Variants in MYO10 observed in about 807,000 individuals in gnomAD.
MYO10 encodes unconventional myosin-X.
A neutral mutation model predicts 257.3 loss-of-function variants in MYO10; 133 were observed. That is an observed-to-expected ratio of 0.52 (90% CI 0.45 to 0.60). MYO10 has a LOEUF of 0.60. Among genes scored for constraint, MYO10 ranks in the 20% least tolerant of loss-of-function variants. The pLI is 0.00. For missense variants in MYO10, 2,399 were observed against 2,635.7 expected (o/e 0.91, Z 1.97); for synonymous variants, 1,104 against 1,028.6 (o/e 1.07, Z -1.40).
Position 16,761,490 on chromosome 5 carries a change from G to A in MYO10, c.1713C>T (p.Asp571=). ...LEKNRDTFRD[D]LLNLLRESRF... ...GGCTTTCTCTTAGCAAATTGAGAAG[G>A]TCATCTCGAAATGTATCTCTGTTCT... Residue 571 remains aspartate, a synonymous_variant, in exon 17 of 41, where the codon GAC becomes GAT. Transcript: ENST00000513610. 6.2e-7 allele frequency: 1 copy of A among 1,613,066 alleles called. No individual in the cohort carries two copies. The highest frequency in any genetic ancestry group is 8.5e-7 in the Non-Finnish European group (1 of 1,179,516).
At chr5:16,837,691 C>T (rs1240335135) in intron 2 of MYO10, among the ~76,000 whole-genome samples, 14 of 152,034 alleles carry the variant, frequency 9.2e-5, no homozygotes, top group Non-Finnish European at 1.2e-4. Context: ...AGCACAGAAC[C>T]CAGGGAATGC....
At chr5:16,667,399 T>G (rs1050097188) in intron 40 of MYO10, among the ~76,000 whole-genome samples, 2 of 152,156 alleles carry the variant, frequency 1.3e-5, no homozygotes, top group African/African-American at 4.8e-5. Context: ...TGTGCAGGCA[T>G]CATAACCGGC....
At chr5:16,885,967 A>G (rs2126769344) in intron 1 of MYO10, among the ~76,000 whole-genome samples, 1 of 152,286 alleles carries the variant, frequency 6.6e-6, no homozygotes, top group East Asian at 1.9e-4. Context: ...TCCTTGCCAT[A>G]GAGTACTCAA....
At chr5:16,870,172 G>C (rs549169324) in intron 2 of MYO10, among the ~76,000 whole-genome samples, 1 of 151,432 alleles carries the variant, frequency 6.6e-6, no homozygotes, top group African/African-American at 2.4e-5. Flanking sequence ...GCCGCTGGAG[G>C]GGAGGGCTCA....
At chr5:16,778,648 G>A (rs1385104503) in intron 9 of MYO10, among the ~76,000 whole-genome samples, 1 of 151,412 alleles carries the variant, frequency 6.6e-6, no homozygotes, top group African/African-American at 2.4e-5. Context: ...AACATGTGAG[G>A]TGGGGGCCTG....
In MYO10 at chr5:16,902,497, C is replaced by A. The variant is rs1011916963; in HGVS notation, c.22-24790G>T. The A allele has an allele frequency of 5.8e-6, 9 of 1,553,082 alleles. No homozygotes were observed. The African/African-American group carries it at 1.1e-4, about 19-fold the overall frequency. The stretch of plus-strand genomic sequence containing the variant: ...CTCGCTTCAGACATGTCCCTGACTG[C>A]TGCGGCCTCCACTATGTTTCGAATG... On this transcript the variant is annotated intron_variant, in intron 1 of 40. Coordinates refer to ENST00000513610, the MANE Select transcript of MYO10 (RefSeq NM_012334.3).
chr5:16,928,637 A>T lies in MYO10; in HGVS notation c.21+7151T>A, dbSNP rs113008642. On this transcript the variant is annotated intron_variant, in intron 1 of 40. Coordinates refer to ENST00000513610, the MANE Select transcript of MYO10 (RefSeq NM_012334.3). Reference sequence around the variant, plus strand: ...GTGACGGGTGGATCACAAGGTCTGGAAATCGAGACCATTCTGGCCAACAAG... The same window carrying T: ...GTGACGGGTGGATCACAAGGTCTGGTAATCGAGACCATTCTGGCCAACAAG... 7.1e-3 allele frequency among the ~76,000 whole-genome samples: 1,086 copies of T among 152,090 alleles called. 21 individuals carry two copies. The highest frequency in any genetic ancestry group is 0.025 in the African/African-American group (1,044 of 41,550).
chr5:16,826,349 A>G (rs1177515579), intron 2 of MYO10, among the ~76,000 whole-genome samples: 1 of 152,188 alleles, frequency 6.6e-6, no homozygotes, highest in Non-Finnish European at 1.5e-5. Context: ...ATGATCAGAG[A>G]CAACTCATAG....
chr5:16,702,573 C>T lies in MYO10; in HGVS notation c.2526G>A (p.Glu842=), dbSNP rs1340012870. The part of the protein sequence containing the change: ...REEEERERER[E]RREAELRAQQ... ...GGGCGCGGAGCTCGGCTTCTCTTCG[C>T]TCTCTCTCTCTTTCTCTAAAAATAG... The change falls in exon 24 of 41, where the codon GAG becomes GAA. Residue 842 remains glutamate (E), a synonymous_variant. Transcript: ENST00000513610. The T allele has an allele frequency of 1.3e-6, 2 of 1,578,684 alleles. No homozygotes were observed. The highest frequency in any genetic ancestry group is 2.3e-5 in the South Asian group (2 of 85,886).
At chr5:16,734,965 C>T (rs144725997) in intron 19 of MYO10, among the ~76,000 whole-genome samples, 1 of 152,216 alleles carries the variant, frequency 6.6e-6, no homozygotes, top group Non-Finnish European at 1.5e-5. Flanking sequence ...ACCTACCCTA[C>T]AAAGGGTGGC....
chr5:16,843,780 A>G (rs1389803423), intron 2 of MYO10, among the ~76,000 whole-genome samples: 1 of 152,172 alleles, frequency 6.6e-6, no homozygotes, highest in African/African-American at 2.4e-5. Context: ...TTTTGAAGGA[A>G]TGGAACAGGC....
At chr5:16,677,012 T>A (rs140815355) in intron 33 of MYO10, among the ~76,000 whole-genome samples, 1 of 152,162 alleles carries the variant, frequency 6.6e-6, no homozygotes, top group Non-Finnish European at 1.5e-5. Flanking sequence ...CACACATTAA[T>A]ATATTCTTGG....
chr5:16,672,589 C>A, intron 37 of MYO10, 100 bp downstream of exon 37: 9 of 1,405,220 alleles, frequency 6.4e-6, no homozygotes, highest in Non-Finnish European at 8.8e-6. Context: ...AACTCCAATA[C>A]AGCGTGAAGC....
At chr5:16,697,225 G>A (rs1043406752) in intron 26 of MYO10, among the ~76,000 whole-genome samples, 2 of 152,044 alleles carry the variant, frequency 1.3e-5, no homozygotes, top group Admixed American at 1.3e-4. Context: ...ACTGACAGTC[G>A]TCACTAGACC....
chr5:16,906,882 C>T (rs146556398), intron 1 of MYO10, among the ~76,000 whole-genome samples: 2,456 of 152,182 alleles, frequency 0.016, 67 homozygotes, highest in African/African-American at 0.056. Context: ...GAGGCCGAGG[C>T]GGGTGGATCA....
chr5:16,757,996 G>C, intron 18 of MYO10, 122 bp downstream of exon 18: 1 of 757,416 alleles, frequency 1.3e-6, no homozygotes, highest in Non-Finnish European at 2.2e-6. Context: ...TTAAAAGCAT[G>C]ATATAAAAGG....
chr5:16,741,689 C>A, intron 19 of MYO10: 1 of 714,364 alleles, frequency 1.4e-6, no homozygotes, highest in Non-Finnish European at 1.7e-6. Flanking sequence ...ACTTCCGTGC[C>A]TGGAGAAACA....
intron 3 of MYO10, among the ~76,000 whole-genome samples, chr5:16,803,685 G>T (rs1742187915): frequency 6.6e-6 from 1 of 152,164 alleles, no homozygotes; most frequent in African/African-American, 2.4e-5. Flanking sequence ...TCAATAATCT[G>T]AAATCTCTTC....
At chr5:16,863,941 T>C (rs779946243) in intron 2 of MYO10, among the ~76,000 whole-genome samples, 1 of 152,078 alleles carries the variant, frequency 6.6e-6, no homozygotes, top group Non-Finnish European at 1.5e-5. Flanking sequence ...CTACAAAATA[T>C]ACAAAAATTA....
Sources: allele counts gnomAD v4.1 joint callset (sites outside exome capture counted in the v4.1 genomes callset), GRCh38; gene constraint gnomAD v4.1.1; transcripts MANE v1.5; gene names NCBI Gene and HGNC (gene_info 2026-07-23, HGNC 2026-07-21).